STX3: variants seen among roughly 807,000 people sequenced by gnomAD.
STX3 encodes syntaxin 3, also known as syntaxin-3.
Under a neutral mutation model 40.2 loss-of-function variants are expected in STX3, and 19 were observed. The ratio of observed to expected loss-of-function variants is 0.47; its 90% CI spans 0.33 to 0.69. The LOEUF is 0.69. Among genes scored for constraint, STX3 ranks in the 30% least tolerant of loss-of-function variants. The probability of loss-of-function intolerance (pLI) is 0.02; values close to 1 mark genes in which losing one functional copy is unlikely to be tolerated. For synonymous variants in STX3, 122 were observed against 132.2 expected, an observed-to-expected ratio of 0.92 and a Z score of 0.53; for missense variants, 364 against 366.7, an observed-to-expected ratio of 0.99 and a Z score of 0.06.
intron 10 of STX3, chr11:59,800,228 C>G (rs1865798056): frequency 1.0e-6 from 1 of 985,380 alleles, no homozygotes. Context: ...TCTCCTCTTC[C>G]TCCATGTCAC....
At position 59,801,668 on chromosome 11, in the gene STX3, A is replaced by G. The variant is rs1453506354; in HGVS notation, c.*844A>G. ...AGGGATTTTAAATTGGGCAAGGGAC[A>G]AGGTGCTAGAATCCTAAGCTCTGGA... is the stretch of plus-strand genomic sequence containing the variant. On this transcript the variant is annotated 3_prime_UTR_variant, in exon 11 of 11. Coordinates refer to ENST00000337979, the MANE Select transcript of STX3 (RefSeq NM_004177.5). 4 of 985,670 alleles carry G rather than the reference A, an allele frequency of 4.1e-6. No homozygotes were observed. The highest frequency in any genetic ancestry group is 4.8e-6 in the Non-Finnish European group (4 of 829,954). The allele number at this position is 985,670 out of a possible 1,614,324, so 61.1% of individuals were successfully genotyped here.
chr11:59,794,453 A>G (rs1865400492), intron 8 of STX3, among the ~76,000 whole-genome samples: 1 of 152,194 alleles, frequency 6.6e-6, no homozygotes, highest in Admixed American at 6.5e-5. Context: ...GCTCGAGCAC[A>G]GCTTGACTAG....
chr11:59,785,253 T>C (rs1439615733), intron 2 of STX3, among the ~76,000 whole-genome samples: 1 of 152,256 alleles, frequency 6.6e-6, no homozygotes. Flanking sequence ...GGGAAAATCC[T>C]GTGCTCCAGT....
intron 9 of STX3, among the ~76,000 whole-genome samples, chr11:59,796,673 G>A (rs1182730995): frequency 1.3e-5 from 2 of 152,112 alleles, no homozygotes; most frequent in Admixed American, 6.5e-5. Context: ...TTTTATCTTG[G>A]CCAACTGCTC....
At chr11:59,788,976 G>A (rs372701512) in intron 4 of STX3, 29 bp downstream of exon 4, 146 of 1,581,748 alleles carry the variant, frequency 9.2e-5, no homozygotes, top group Non-Finnish European at 1.2e-4. Flanking sequence ...AAACAAGGCC[G>A]TCCCCACCAC....
chr11:59,779,293 C>G (rs1298490200), intron 2 of STX3, among the ~76,000 whole-genome samples: 67 of 152,190 alleles, frequency 4.4e-4, no homozygotes, highest in Non-Finnish European at 2.2e-4. Context: ...TGGTGAGGAC[C>G]CTCTTCTGGG....
In STX3 at chr11:59,803,221, A is replaced by G. The variant is rs1461707119; in HGVS notation, c.*2397A>G. 10 of 1,231,598 alleles carry G rather than the reference A, an allele frequency of 8.1e-6. No individual in the cohort carries two copies. In the Admixed American group the frequency reaches 3.4e-4, roughly 42 times the overall value. The allele number at this position is 1,231,598 out of a possible 1,614,324, so 76.3% of individuals were successfully genotyped here. On this transcript the variant is annotated 3_prime_UTR_variant, in exon 11 of 11. Coordinates refer to ENST00000337979, the MANE Select transcript of STX3 (RefSeq NM_004177.5). ...CTTTCCTTGTCTGGATGAGCAGAAG[A>G]AGATCATGATCATGATCTGCTGTAT... is the stretch of plus-strand genomic sequence containing the variant.
chr11:59,773,116 A>T, intron 1 of STX3, 95 bp from the exon 2 acceptor site: 1 of 1,202,426 alleles, frequency 8.3e-7, no homozygotes, highest in South Asian at 1.3e-5. Flanking sequence ...TATGTGTAAA[A>T]TGCTGAATAT....
chr11:59,758,725 C>T (rs1862868839), intron 1 of STX3, among the ~76,000 whole-genome samples: 1 of 152,218 alleles, frequency 6.6e-6, no homozygotes, highest in Non-Finnish European at 1.5e-5. Context: ...CCAGCCTATC[C>T]CAGGACATGG....
chr11:59,797,171 G>T, intron 9 of STX3, 112 bp from the exon 10 acceptor site: 1 of 743,744 alleles, frequency 1.3e-6, no homozygotes. Flanking sequence ...CTCTTACTCA[G>T]ACTGGTAAGA....
In STX3 at chr11:59,755,577, T is replaced by C; in HGVS notation, c.-29T>C. 6.3e-7 allele frequency: 1 copy of C among 1,592,992 alleles called. No homozygotes were observed. The highest frequency in any genetic ancestry group is 8.5e-7 in the Non-Finnish European group (1 of 1,176,612). On this transcript the variant is annotated 5_prime_UTR_variant, in exon 1 of 11. Transcript: ENST00000337979. ...TGGGACGCGCTCACCTGGGACGCGC[T>C]ACCTGCCTCCGGGCGCCTGGGCTTC...
intron 1 of STX3, among the ~76,000 whole-genome samples, chr11:59,765,284 A>C (rs1372526362): frequency 6.6e-6 from 1 of 152,162 alleles, no homozygotes; most frequent in African/African-American, 2.4e-5. Context: ...TTCACATAGG[A>C]AACAGAGAGC....
intron 1 of STX3, among the ~76,000 whole-genome samples, chr11:59,760,477 C>G (rs985840827): frequency 6.6e-6 from 1 of 151,452 alleles, no homozygotes; most frequent in African/African-American, 2.4e-5. Context: ...AACCACTGTC[C>G]GTTGCTTTTT....
At chr11:59,777,057 A>T (rs745555102) in intron 2 of STX3, among the ~76,000 whole-genome samples, 2 of 152,188 alleles carry the variant, frequency 1.3e-5, no homozygotes, top group Non-Finnish European at 2.9e-5. Flanking sequence ...TGGGGATCCA[A>T]TGTTCTGTGA....
At chr11:59,800,239 C>A (rs943284277) in intron 10 of STX3, 1 of 985,192 alleles carries the variant, frequency 1.0e-6, no homozygotes, top group African/African-American at 1.7e-5. Context: ...TCCATGTCAC[C>A]CAAGGGAGAG....
chr11:59,800,574 A>AG, intron 10 of STX3: 1 of 985,372 alleles, frequency 1.0e-6, no homozygotes. Flanking sequence ...TGTTTTCACT[A>AG]GGGATTGTCC....
intron 1 of STX3, among the ~76,000 whole-genome samples, chr11:59,761,633 C>A (rs978297646): frequency 6.6e-6 from 1 of 152,168 alleles, no homozygotes; most frequent in African/African-American, 2.4e-5. Flanking sequence ...TGCAACTGCC[C>A]CCACCCCATC....
In STX3 at chr11:59,802,688, C is replaced by T. The variant is rs1245651766; in HGVS notation, c.*1864C>T. On this transcript the variant is annotated 3_prime_UTR_variant, in exon 11 of 11. Transcript: ENST00000337979. ...ATTGCTAATTTAAAAATAAAAATGA[C>T]TTTGTATTGATTGTGAAACGGTTCT... 3.0e-6 allele frequency: 3 copies of T among 985,536 alleles called. No homozygotes were observed. In the African/African-American group the frequency reaches 5.2e-5, roughly 17 times the overall value. 61.0% of individuals were successfully genotyped at this position (985,536 alleles called of 1,614,324 possible). A position where few individuals can be genotyped will look rare whatever the true frequency, so the allele number is the denominator to read the frequency against.
chr11:59,781,079 T>C (rs538323), intron 2 of STX3, among the ~76,000 whole-genome samples: 1,707 of 147,066 alleles, frequency 0.012, 35 homozygotes, highest in African/African-American at 0.042. Flanking sequence ...CATCAACATT[T>C]GTTTTCTTTT....
Sources: gnomAD v4.1 joint callset for allele counts (sites outside exome capture counted in the v4.1 genomes callset) on GRCh38, gnomAD v4.1.1 for gene constraint, MANE v1.5 for transcripts, NCBI Gene and HGNC (gene_info 2026-07-23, HGNC 2026-07-21) for gene names.